The following FLNC variants were observed in gnomAD, a reference collection of about 807,000 sequenced individuals.
FLNC encodes the protein filamin-C.
Under a neutral mutation model 254.3 loss-of-function variants are expected in FLNC, and 91 were observed. That is an observed-to-expected ratio of 0.36 (90% CI 0.30 to 0.43). FLNC has a LOEUF of 0.43. Among genes scored for constraint, FLNC ranks in the 20% least tolerant of loss-of-function variants. FLNC has a pLI of 1.00. For synonymous variants in FLNC, 1,430 were observed against 1,577.2 expected, an observed-to-expected ratio of 0.91 and a Z score of 2.21; for missense variants, 2,853 against 3,802.6, an observed-to-expected ratio of 0.75 and a Z score of 6.57.
intron 31 of FLNC, 32 bp downstream of exon 31, chr7:128,850,106 T>C: frequency 6.9e-7 from 1 of 1,444,566 alleles, no homozygotes; most frequent in East Asian, 2.5e-5. Context: ...GATGTCCTCC[T>C]CCTCCTCCCC....
At chr7:128,850,972 C>T (rs769357490) in intron 33 of FLNC, 29 bp downstream of exon 33, 9 of 1,611,938 alleles carry the variant, frequency 5.6e-6, no homozygotes, top group Non-Finnish European at 7.6e-6. Flanking sequence ...TGGGCTGGGG[C>T]TTGGGTGAGA....
At position 128,852,838 on chromosome 7, in the gene FLNC, C is replaced by T. The variant is rs771715893; in HGVS notation, c.6015C>T (p.Phe2005=). The T allele has an allele frequency of 6.2e-6, 10 of 1,613,746 alleles. No individual in the cohort carries two copies. The highest frequency in any genetic ancestry group is 1.6e-4 in the Middle Eastern group (1 of 6,084). Residue 2005 remains phenylalanine, a synonymous_variant, in exon 37 of 48, where the codon TTC becomes TTT. Transcript: ENST00000325888. ...RLPNRHIGIS[F]TPKEVGEHVV... ...ACCCACTTTCCACAGGGATCTCCTT[C>T]ACCCCCAAGGAGGTCGGGGAGCACG...
intron 37 of FLNC, 97 bp downstream of exon 37, chr7:128,853,128 C>T: frequency 8.0e-7 from 1 of 1,242,570 alleles, no homozygotes; most frequent in Non-Finnish European, 1.2e-6. Flanking sequence ...ACTCTCTCCT[C>T]CCTGAAACTT....
chr7:128,839,759 G>C (rs1808251218), intron 8 of FLNC, among the ~76,000 whole-genome samples: 1 of 152,222 alleles, frequency 6.6e-6, no homozygotes, highest in East Asian at 1.9e-4. Flanking sequence ...CTGTCTCTCT[G>C]AGCCCACTCT....
At chr7:128,844,313 G>T in intron 20 of FLNC, 47 bp downstream of exon 20, 3 of 1,564,522 alleles carry the variant, frequency 1.9e-6, no homozygotes, top group Non-Finnish European at 2.6e-6. Context: ...GGACTTGTTG[G>T]GAAGATAGAT....
Position 128,835,686 on chromosome 7 carries a change from G to A in FLNC, c.601+112G>A, listed in dbSNP as rs577897259. On this transcript the variant is annotated intron_variant, in intron 2 of 47. Coordinates refer to ENST00000325888, the MANE Select transcript of FLNC (RefSeq NM_001458.5). The surrounding 1 kb of genome is among the most constrained non-coding windows in gnomAD (Gnocchi z 5.3). ...AGAATGCACACCCTGGGGCCTGGGGGCCAGGATCCCCTGCAGGGTTTGTCC... is the reference window on the plus strand; with the variant it reads ...AGAATGCACACCCTGGGGCCTGGGGACCAGGATCCCCTGCAGGGTTTGTCC... 10 of 1,239,954 alleles carry A rather than the reference G, an allele frequency of 8.1e-6. No individual in the cohort carries two copies. The highest frequency in any genetic ancestry group is 1.5e-5 in the African/African-American group (1 of 67,450). 76.8% of individuals were successfully genotyped at this position (1,239,954 alleles called of 1,614,324 possible). A position where few individuals can be genotyped will look rare whatever the true frequency, so the allele number is the denominator to read the frequency against.
chr7:128,846,738 C>T lies in FLNC; in HGVS notation c.4128-7C>T. On this transcript the variant is annotated splice_polypyrimidine_tract_variant and splice_region_variant and intron_variant, in intron 23 of 47. Coordinates refer to ENST00000325888, the MANE Select transcript of FLNC (RefSeq NM_001458.5). ...TATGAAGCTGATGGGGGGATGTTAT[C>T]TCTCAGGGGAGCGGGCACCGGGGGC... 1 of 1,613,336 alleles carries T rather than the reference C, an allele frequency of 6.2e-7. No homozygotes were observed. Among genetic ancestry groups the T allele is most frequent in the Non-Finnish European group, 8.5e-7 (1 of 1,179,678 alleles).
intron 20 of FLNC, 112 bp from the exon 21 acceptor site, chr7:128,844,546 C>A: frequency 1.9e-6 from 2 of 1,070,274 alleles, no homozygotes; most frequent in Non-Finnish European, 2.8e-6. Context: ...TTGTTATAAG[C>A]ACTCAGTCCA....
rs1467865469 is a variant in FLNC, at chr7:128,846,015, G to A, written c.3816G>A (p.Glu1272=). Residue 1272 remains glutamate (E), a synonymous_variant, in exon 22 of 48, where the codon GAG becomes GAA. Transcript: ENST00000325888. Reference sequence around the variant, plus strand: ...GTGTCCTGCGGGAGGTGACCACTGAGTTCACTGTGGATGCAAGATCCCTAA... The same window carrying A: ...GTGTCCTGCGGGAGGTGACCACTGAATTCACTGTGGATGCAAGATCCCTAA... ...PHGVLREVTT[E]FTVDARSLTA... The A allele has an allele frequency of 6.2e-7, 1 of 1,613,856 alleles. No individual in the cohort carries two copies. Among genetic ancestry groups the A allele is most frequent in the Non-Finnish European group, 8.5e-7 (1 of 1,179,996 alleles).
In FLNC at chr7:128,845,260, G is replaced by C. The variant is rs199917473; in HGVS notation, c.3790+5G>C. The C allele has an allele frequency of 1.2e-6, 2 of 1,610,108 alleles. No individual in the cohort carries two copies. Among genetic ancestry groups the C allele is most frequent in the African/African-American group, 2.7e-5 (2 of 74,872 alleles). On this transcript the variant is annotated splice_donor_5th_base_variant and intron_variant, in intron 21 of 47. Transcript: ENST00000325888. ...GGCCTGGTGTTGAGCCACACGGTGA[G>C]TGGACAGGAGGAGCCAAGAAAGGTC...
Position 128,849,399 on chromosome 7 carries a change from G to A in FLNC, c.5020G>A (p.Gly1674Ser), listed in dbSNP as rs374124083. The change falls in exon 30 of 48, where the codon GGT becomes AGT. Residue 1674 changes from glycine (G) to serine (S), a missense_variant. Coordinates refer to ENST00000325888, the MANE Select transcript of FLNC (RefSeq NM_001458.5). ...GATCACGGTGGATGCCAAGGCAGCC[G>A]GTGAGGGGAAGGTGACATGCACGGT... is the stretch of plus-strand genomic sequence containing the variant. ...TVITVDAKAA[G>S]EGKVTCTVST... The A allele has an allele frequency of 8.7e-5, 141 of 1,614,060 alleles. No individual in the cohort carries two copies. The highest frequency in any genetic ancestry group is 2.0e-5 in the Non-Finnish European group (24 of 1,180,044).
rs777920969 is a variant in FLNC, at chr7:128,854,763, G to T, written c.6998-12G>T. ...CGATGATGCTGAAGTCCACTACCTT[G>T]CCTGTCCCCAGCCGAGTTCAGCATC... On this transcript the variant is annotated splice_polypyrimidine_tract_variant and intron_variant, in intron 41 of 47. Transcript: ENST00000325888. The T allele has an allele frequency of 1.2e-6, 2 of 1,614,024 alleles. No homozygotes were observed. The highest frequency in any genetic ancestry group is 1.7e-6 in the Non-Finnish European group (2 of 1,180,024).
At chr7:128,843,609 G>T (rs776253281) in intron 18 of FLNC, 32 bp downstream of exon 18, 1 of 1,612,634 alleles carries the variant, frequency 6.2e-7, no homozygotes, top group Admixed American at 1.7e-5. Context: ...CTACCGCCCG[G>T]CCGGCCCGCC....
chr7:128,853,718 G>C lies in FLNC; in HGVS notation c.6365G>C (p.Ser2122Thr). ...CCACCCTTTGTCCCCACTTCAGGAA[G>C]CCCCTTCACTGTGAAGGTGACCGGC... ...IKFADKHVPGSPFTVKVTGEG... is the reference protein window; with the variant it reads ...IKFADKHVPGTPFTVKVTGEG... The change falls in exon 39 of 48, where the codon AGC (serine) becomes ACC (threonine). Residue 2122 changes from serine to threonine, a missense_variant. Transcript: ENST00000325888. 1 of 1,613,930 alleles carries C rather than the reference G, an allele frequency of 6.2e-7. No homozygotes were observed. Among genetic ancestry groups the C allele is most frequent in the Non-Finnish European group, 8.5e-7 (1 of 1,180,044 alleles).
chr7:128,830,881 A>G lies in FLNC; in HGVS notation c.244A>G (p.Met82Val). 1 of 1,613,144 alleles carries G rather than the reference A, an allele frequency of 6.2e-7. No homozygotes were observed. The highest frequency in any genetic ancestry group is 8.5e-7 in the Non-Finnish European group (1 of 1,179,952). ...GCTCGAGGTGCTCAGCCAGAAGCGC[A>G]TGTACCGCAAGTTCCATCCGCGCCC... ...ALLEVLSQKR[M>V]YRKFHPRPNF... The change falls in exon 1 of 48, where the codon ATG becomes GTG. Residue 82 changes from methionine (M) to valine (V), a missense_variant. Met to Val is a conservative substitution (Grantham distance 21, BLOSUM62 1). Around this residue, in one of 10 missense-constraint regions of FLNC, gnomAD observed 59 missense variants for 59.8 expected, o/e 0.99. Coordinates refer to ENST00000325888, the MANE Select transcript of FLNC (RefSeq NM_001458.5).
intron 26 of FLNC, 88 bp from the exon 27 acceptor site, chr7:128,848,473 T>C (rs1339051580): frequency 7.3e-7 from 1 of 1,371,094 alleles, no homozygotes; most frequent in Admixed American, 1.7e-5. Context: ...CCCATGTCTA[T>C]GGGGAGGACT....
rs748723761 is a variant in FLNC, at chr7:128,838,024, A to G, written c.1007A>G (p.Tyr336Cys). Residue 336 changes from tyrosine to cysteine, a missense_variant, in exon 6 of 48, where the codon TAT becomes TGT. Physicochemically the swap from Tyr to Cys is radical, Grantham distance 194. This residue lies in a region of FLNC where 1,573 missense variants were observed against 1,883.5 expected (regional missense o/e 0.84). Coordinates refer to ENST00000325888, the MANE Select transcript of FLNC (RefSeq NM_001458.5). ...CCCAACAATGACAAGGATCGCACCT[A>G]TGCTGTCTCCTATGTGCCCAAGGTC... Reference protein sequence around the residue: ...VVPNNDKDRTYAVSYVPKVAG... With the variant: ...VVPNNDKDRTCAVSYVPKVAG... 13 of 1,613,962 alleles carry G rather than the reference A, an allele frequency of 8.1e-6. No individual in the cohort carries two copies. In the South Asian group the frequency reaches 9.9e-5, roughly 12 times the overall value.
At chr7:128,839,605 G>C (rs567898840) in intron 8 of FLNC, among the ~76,000 whole-genome samples, 2 of 152,354 alleles carry the variant, frequency 1.3e-5, no homozygotes, top group Middle Eastern at 3.4e-3. Flanking sequence ...TGTATGGCAG[G>C]CTTCGAGTTC....
intron 23 of FLNC, 39 bp from the exon 24 acceptor site, chr7:128,846,706 C>T: frequency 6.2e-7 from 1 of 1,602,936 alleles, no homozygotes. Flanking sequence ...TCCTCACTCA[C>T]TGGTCTTATG....
Sources: gnomAD v4.1 joint callset for allele counts (sites outside exome capture counted in the v4.1 genomes callset) on GRCh38, gnomAD v4.1.1 for gene constraint, gnomAD v4.1.1 regional missense constraint, Gnocchi (gnomAD v3.1) non-coding constraint, MANE v1.5 for transcripts, NCBI Gene and HGNC (gene_info 2026-07-23, HGNC 2026-07-21) for gene names.